Variants in FBN1 observed in about 807,000 individuals in gnomAD.
FBN1 encodes the protein fibrillin-1.
Under a neutral mutation model 365.1 loss-of-function variants are expected in FBN1, and 29 were observed. The ratio of observed to expected loss-of-function variants is 0.08; its 90% CI spans 0.06 to 0.11. The LOEUF is 0.11. FBN1 is among the 10% of genes least tolerant of loss of function. The probability of loss-of-function intolerance (pLI) is 1.00; values close to 1 mark genes in which losing one functional copy is unlikely to be tolerated. For synonymous variants in FBN1, 1,210 were observed against 1,270.5 expected, an observed-to-expected ratio of 0.95 and a Z score of 1.01; for missense variants, 2,476 against 3,703.2, an observed-to-expected ratio of 0.67 and a Z score of 8.60.
intron 7 of FBN1, among the ~76,000 whole-genome samples, chr15:48,535,133 A>G (rs2044003818): frequency 6.6e-6 from 1 of 152,174 alleles, no homozygotes; most frequent in Non-Finnish European, 1.5e-5. Context: ...CTCATCCTCC[A>G]GGTCTGTGCT....
At chr15:48,447,079 G>C (rs771110351) in intron 46 of FBN1, among the ~76,000 whole-genome samples, 1 of 152,088 alleles carries the variant, frequency 6.6e-6, no homozygotes, top group Non-Finnish European at 1.5e-5. Context: ...ACCTGAACAA[G>C]AATTATTTTA....
chr15:48,519,554 G>A (rs1230964603), intron 10 of FBN1, among the ~76,000 whole-genome samples: 3 of 152,182 alleles, frequency 2.0e-5, no homozygotes, highest in Non-Finnish European at 4.4e-5. Context: ...AGGAAGAAGG[G>A]AGCACTTCCA....
At chr15:48,438,176 T>C (rs1402795936) in intron 50 of FBN1, among the ~76,000 whole-genome samples, 1 of 152,192 alleles carries the variant, frequency 6.6e-6, no homozygotes, top group Admixed American at 6.5e-5. Flanking sequence ...AGTAACCCGA[T>C]GTGAATCCAA....
In FBN1 at chr15:48,452,545, T is replaced by G. The variant is rs759369401; in HGVS notation, c.5545+17A>C. 1 of 1,614,144 alleles carries G rather than the reference T, an allele frequency of 6.2e-7. No individual in the cohort carries two copies. On this transcript the variant is annotated intron_variant, in intron 45 of 65. Coordinates refer to ENST00000316623, the MANE Select transcript of FBN1 (RefSeq NM_000138.5). ...AACTCTTGGGTAGGCATGTCCAGCC[T>G]GTGGGGCACTACATACCATTGCACT...
chr15:48,576,894 G>A lies in FBN1; in HGVS notation c.538+19389C>T, dbSNP rs191368889. 4.0e-3 allele frequency among the ~76,000 whole-genome samples: 610 copies of A among 152,256 alleles called. 15 individuals carry two copies. The highest frequency in any genetic ancestry group is 0.033 in the Admixed American group (505 of 15,288). ...CAGAGAAGGTAGATAAGGGATCTTG[G>A]AGGAGGGGTCTCTGTGAAAAATAAG... On this transcript the variant is annotated intron_variant, in intron 6 of 65. Coordinates refer to ENST00000316623, the MANE Select transcript of FBN1 (RefSeq NM_000138.5).
intron 15 of FBN1, 30 bp from the exon 16 acceptor site, chr15:48,505,177 T>C (rs1258954095): frequency 1.2e-6 from 2 of 1,613,778 alleles, no homozygotes; most frequent in Non-Finnish European, 1.7e-6. Flanking sequence ...TTATTAAAAA[T>C]GAAGTGACAT....
At position 48,573,491 on chromosome 15, in the gene FBN1, A is replaced by T. The variant is rs565974068; in HGVS notation, c.538+22792T>A. The stretch of plus-strand genomic sequence containing the variant: ...AAGGACAATGGCTAAATTTTAAAAT[A>T]ACAATAATAATTAAGATTATTCCAA... On this transcript the variant is annotated intron_variant, in intron 6 of 65. Transcript: ENST00000316623. Among the ~76,000 whole-genome samples, 44 of 152,352 alleles carry T rather than the reference A, an allele frequency of 2.9e-4. 1 individual carries two copies. Among genetic ancestry groups the T allele is most frequent in the Admixed American group, 2.1e-3 (32 of 15,304 alleles).
chr15:48,488,545 G>A, intron 25 of FBN1, 52 bp from the exon 26 acceptor site: 2 of 1,599,718 alleles, frequency 1.3e-6, no homozygotes, highest in Non-Finnish European at 8.5e-7. Flanking sequence ...CAAGCAGTCA[G>A]GAGGTCTCAA....
At chr15:48,461,760 T>C (rs894487131) in intron 42 of FBN1, among the ~76,000 whole-genome samples, 3 of 152,208 alleles carry the variant, frequency 2.0e-5, no homozygotes, top group African/African-American at 7.2e-5. Flanking sequence ...CAAAACTATT[T>C]AATGTTGCCA....
At chr15:48,500,095 G>A (rs990690947) in intron 17 of FBN1, among the ~76,000 whole-genome samples, 1 of 152,176 alleles carries the variant, frequency 6.6e-6, no homozygotes, top group African/African-American at 2.4e-5. Context: ...AACCATCTTA[G>A]AAGGGGTCAA....
chr15:48,517,718 T>C (rs1489578435), intron 10 of FBN1, among the ~76,000 whole-genome samples: 3 of 152,246 alleles, frequency 2.0e-5, no homozygotes, highest in Non-Finnish European at 4.4e-5. Context: ...AAGTAACCTA[T>C]GTGACTTTTA....
intron 6 of FBN1, among the ~76,000 whole-genome samples, chr15:48,583,346 G>C (rs1432617475): frequency 6.6e-6 from 1 of 152,108 alleles, no homozygotes; most frequent in Non-Finnish European, 1.5e-5. Context: ...CAAATGTTTT[G>C]ATTTTTCTAA....
intron 62 of FBN1, 111 bp downstream of exon 62, chr15:48,421,447 C>T (rs895662668): frequency 1.5e-5 from 20 of 1,362,326 alleles, no homozygotes; most frequent in Non-Finnish European, 1.9e-5. Context: ...GAGTGCCCCC[C>T]TGGGCTCAGA....
intron 6 of FBN1, among the ~76,000 whole-genome samples, chr15:48,568,721 T>G (rs570405058): frequency 1.3e-5 from 2 of 152,118 alleles, no homozygotes; most frequent in South Asian, 4.1e-4. Context: ...TCAGCAAAAG[T>G]GTCAAGGAAA....
rs185583890 is a variant in FBN1, at chr15:48,422,572, G to A, written c.7454-504C>T. 2.0e-4 allele frequency among the ~76,000 whole-genome samples: 30 copies of A among 152,266 alleles called. No homozygotes were observed. In the South Asian group the frequency reaches 2.3e-3, roughly 12 times the overall value. On this transcript the variant is annotated intron_variant, in intron 60 of 65. Coordinates refer to ENST00000316623, the MANE Select transcript of FBN1 (RefSeq NM_000138.5). The stretch of plus-strand genomic sequence containing the variant: ...AAAACAAAATCTGATTTCTTTAGTC[G>A]TGATTCTTCTTAGGATAAACCAAAA...
chr15:48,422,093 T>A, intron 60 of FBN1, 25 bp from the exon 61 acceptor site: 1 of 1,531,758 alleles, frequency 6.5e-7, no homozygotes, highest in Non-Finnish European at 9.0e-7. Context: ...AAGAGAGGCA[T>A]TTGAGTCAAG....
intron 6 of FBN1, among the ~76,000 whole-genome samples, chr15:48,569,751 A>G (rs921893148): frequency 6.6e-6 from 1 of 152,214 alleles, no homozygotes; most frequent in African/African-American, 2.4e-5. Context: ...AGGCATATCT[A>G]TAGAGACAGA....
At chr15:48,555,116 A>T (rs2044169691) in intron 6 of FBN1, among the ~76,000 whole-genome samples, 1 of 152,208 alleles carries the variant, frequency 6.6e-6, no homozygotes, top group South Asian at 2.1e-4. Flanking sequence ...ATGATGTGTA[A>T]ATCTCACATA....
chr15:48,506,544 CA>C (rs2043709337), intron 15 of FBN1, among the ~76,000 whole-genome samples: 1 of 152,158 alleles, frequency 6.6e-6, no homozygotes, highest in African/African-American at 2.4e-5. Flanking sequence ...AAAGGTAACA[CA>C]AAGGGTTTTT....
Sources: gnomAD v4.1 joint callset for allele counts (sites outside exome capture counted in the v4.1 genomes callset) on GRCh38, gnomAD v4.1.1 for gene constraint, MANE v1.5 for transcripts, NCBI Gene and HGNC (gene_info 2026-07-23, HGNC 2026-07-21) for gene names.